TDRP: variants seen among roughly 807,000 people sequenced by gnomAD.
The protein encoded by TDRP is testis development related protein.
TDRP carries 12 observed loss-of-function variants against 10.5 expected under a neutral mutation model. The observed-to-expected ratio is 1.15, with a 90% CI of 0.73 to 1.86. TDRP has a LOEUF of 1.86. TDRP is among the 40% of genes most tolerant of loss of function. The pLI, the probability that TDRP is intolerant of heterozygous loss-of-function variation, is 0.00. For missense variants in TDRP, 353 were observed against 229.2 expected, an observed-to-expected ratio of 1.54 and a Z score of -3.49; for synonymous variants, 139 against 95.4, an observed-to-expected ratio of 1.46 and a Z score of -2.67.
intron 1 of TDRP, among the ~76,000 whole-genome samples, chr8:511,147 A>G (rs559218299): frequency 6.6e-6 from 1 of 152,306 alleles, no homozygotes; most frequent in South Asian, 2.1e-4. Context: ...ATTCAATATT[A>G]AATGTAAATG....
At chr8:524,170 T>C (rs1801977273) in intron 1 of TDRP, among the ~76,000 whole-genome samples, 1 of 152,188 alleles carries the variant, frequency 6.6e-6, no homozygotes, top group African/African-American at 2.4e-5. Flanking sequence ...ATCCTGGGAA[T>C]TATCCTGGAT....
intron 1 of TDRP, among the ~76,000 whole-genome samples, chr8:530,426 T>A (rs1275666135): frequency 2.0e-5 from 3 of 152,288 alleles, no homozygotes; most frequent in African/African-American, 4.8e-5. Flanking sequence ...TGTCTCATTA[T>A]TTTTTTGCTG....
chr8:526,528 T>C (rs764484543), intron 1 of TDRP, among the ~76,000 whole-genome samples: 3 of 152,198 alleles, frequency 2.0e-5, no homozygotes, highest in Non-Finnish European at 4.4e-5. Context: ...TTGATTTGCA[T>C]ATACTGAACC....
chr8:530,604 A>T (rs1563130443), intron 1 of TDRP, among the ~76,000 whole-genome samples: 1 of 151,968 alleles, frequency 6.6e-6, no homozygotes, highest in Non-Finnish European at 1.5e-5. Flanking sequence ...CCAATTAGAG[A>T]GGTCTGCCAG....
rs755864145 is a variant in TDRP, at chr8:492,612, A to G, written c.345T>C (p.Ala115=). Residue 115 remains alanine, a synonymous_variant, in exon 3 of 3, where the codon GCT becomes GCC. Coordinates refer to ENST00000324079, the MANE Select transcript of TDRP (RefSeq NM_001384899.1). ...EIEGWEPPKL[A]LEDISADPED... Reference sequence around the variant, plus strand: ...CAGGGTCAGCCGATATGTCTTCAAGAGCAAGTTTTGGAGGCTCCCAACCTT... The same window carrying G: ...CAGGGTCAGCCGATATGTCTTCAAGGGCAAGTTTTGGAGGCTCCCAACCTT... 59 of 1,613,870 alleles carry G rather than the reference A, an allele frequency of 3.7e-5. No homozygotes were observed. Among genetic ancestry groups the G allele is most frequent in the Admixed American group, 2.7e-4 (16 of 59,998 alleles).
chr8:538,760 A>G (rs1802414404), intron 1 of TDRP, among the ~76,000 whole-genome samples: 1 of 152,210 alleles, frequency 6.6e-6, no homozygotes, highest in Non-Finnish European at 1.5e-5. Flanking sequence ...GTGAACATCT[A>G]AGAAGCTATT....
intron 1 of TDRP, among the ~76,000 whole-genome samples, chr8:518,760 A>AC (rs1554461727): frequency 2.0e-5 from 3 of 150,202 alleles, no homozygotes; most frequent in Non-Finnish European, 4.4e-5. Context: ...AGATTCCACC[A>AC]TTTTTTTTTT....
intron 1 of TDRP, among the ~76,000 whole-genome samples, chr8:520,536 G>C (rs1801875382): frequency 6.6e-6 from 1 of 152,160 alleles, no homozygotes; most frequent in Admixed American, 6.5e-5. Context: ...TTCCACAGCA[G>C]CTAAATCATT....
At chr8:509,890 C>T (rs61363138) in intron 1 of TDRP, among the ~76,000 whole-genome samples, 13,377 of 152,222 alleles carry the variant, frequency 0.088, 657 homozygotes, top group African/African-American at 0.11. Flanking sequence ...GTTGGGACTC[C>T]AAAATCACTA....
intron 1 of TDRP, among the ~76,000 whole-genome samples, chr8:544,361 G>A (rs1364206656): frequency 6.6e-6 from 1 of 152,000 alleles, no homozygotes; most frequent in African/African-American, 2.4e-5. Context: ...GGGGGCACTG[G>A]GTCCCCTGCA....
intron 1 of TDRP, among the ~76,000 whole-genome samples, chr8:512,815 T>C (rs372731470): frequency 6.6e-6 from 1 of 151,326 alleles, no homozygotes; most frequent in East Asian, 2.0e-4. Flanking sequence ...CTAATAAAAA[T>C]ACAAAAATTA....
chr8:514,597 C>T (rs897478304), intron 1 of TDRP, among the ~76,000 whole-genome samples: 7 of 152,128 alleles, frequency 4.6e-5, no homozygotes, highest in Non-Finnish European at 7.4e-5. Flanking sequence ...TATGGAAACA[C>T]GAGGAACCAT....
At chr8:496,206 C>T (rs1563115858) in intron 1 of TDRP, among the ~76,000 whole-genome samples, 1 of 152,236 alleles carries the variant, frequency 6.6e-6, no homozygotes, top group African/African-American at 2.4e-5. Flanking sequence ...AAACCGATCA[C>T]ACAACCCATG....
chr8:529,159 T>A (rs1563129917), intron 1 of TDRP, among the ~76,000 whole-genome samples: 2 of 152,118 alleles, frequency 1.3e-5, no homozygotes, highest in Non-Finnish European at 2.9e-5. Flanking sequence ...AGGATTCAAA[T>A]GTTAACCTCC....
intron 1 of TDRP, among the ~76,000 whole-genome samples, chr8:536,962 A>C (rs1279726636): frequency 6.6e-6 from 1 of 152,190 alleles, no homozygotes; most frequent in Non-Finnish European, 1.5e-5. Context: ...AGCTCATATG[A>C]GAGTCCAATG....
intron 1 of TDRP, among the ~76,000 whole-genome samples, chr8:510,363 C>G (rs933320991): frequency 6.6e-6 from 1 of 152,122 alleles, no homozygotes; most frequent in African/African-American, 2.4e-5. Flanking sequence ...AGAGGACACT[C>G]TTCTCACTCA....
At chr8:522,790 G>C (rs1359464783) in intron 1 of TDRP, among the ~76,000 whole-genome samples, 1 of 152,100 alleles carries the variant, frequency 6.6e-6, no homozygotes, top group African/African-American at 2.4e-5. Context: ...CCTTCTTTGT[G>C]TTTTGTGACA....
chr8:531,598 G>A (rs147979659), intron 1 of TDRP, among the ~76,000 whole-genome samples: 43 of 152,312 alleles, frequency 2.8e-4, no homozygotes, highest in African/African-American at 9.1e-4. Context: ...ATGAAAAGGC[G>A]TAAGGATGCC....
At chr8:504,416 G>T (rs1167115673) in intron 1 of TDRP, among the ~76,000 whole-genome samples, 1 of 152,092 alleles carries the variant, frequency 6.6e-6, no homozygotes, top group Non-Finnish European at 1.5e-5. Context: ...TGAAGTCAGT[G>T]GGGGGAGGCA....
Sources: allele counts gnomAD v4.1 joint callset (sites outside exome capture counted in the v4.1 genomes callset), GRCh38; gene constraint gnomAD v4.1.1; transcripts MANE v1.5; gene names NCBI Gene and HGNC (gene_info 2026-07-23, HGNC 2026-07-21).